Variants in SYNRG observed in about 807,000 individuals in gnomAD.
The protein encoded by SYNRG is AP1 gamma subunit binding protein 1.
A neutral mutation model predicts 130.9 loss-of-function variants in SYNRG; 37 were observed. That is an observed-to-expected ratio of 0.28 (90% CI 0.22 to 0.37). The LOEUF is 0.37. Among genes scored for constraint, SYNRG ranks in the 10% least tolerant of loss-of-function variants. The pLI is 1.00. For synonymous variants in SYNRG, 539 were observed against 568.1 expected (o/e 0.95, Z 0.73); for missense variants, 1,338 against 1,588.9 (o/e 0.84, Z 2.68).
intron 6 of SYNRG, 74 bp from the exon 7 acceptor site, chr17:37,577,687 C>A: frequency 1.7e-6 from 2 of 1,150,466 alleles, no homozygotes; most frequent in South Asian, 1.5e-5. Context: ...CATCTCCACC[C>A]CCATATTCTT....
chr17:37,519,376 C>G (rs1045871320), intron 21 of SYNRG, among the ~76,000 whole-genome samples: 5 of 152,106 alleles, frequency 3.3e-5, no homozygotes, highest in African/African-American at 1.2e-4. Context: ...ACTGAAGTAG[C>G]CAAGGGCTGT....
intron 14 of SYNRG, among the ~76,000 whole-genome samples, chr17:37,544,464 G>A (rs1158351289): frequency 6.6e-6 from 1 of 151,994 alleles, no homozygotes; most frequent in Non-Finnish European, 1.5e-5. Context: ...ACAGGCAGCC[G>A]CCACCACGCC....
chr17:37,565,872 G>A (rs2059921749), intron 11 of SYNRG, among the ~76,000 whole-genome samples: 1 of 151,888 alleles, frequency 6.6e-6, no homozygotes, highest in African/African-American at 2.4e-5. Flanking sequence ...GGGAAGTGAG[G>A]AGCATCTCTG....
intron 8 of SYNRG, among the ~76,000 whole-genome samples, chr17:37,573,546 C>A (rs1480248802): frequency 2.6e-5 from 4 of 152,138 alleles, no homozygotes; most frequent in Non-Finnish European, 4.4e-5. Context: ...ATACCAAGAT[C>A]TAGATTTCAT....
intron 3 of SYNRG, among the ~76,000 whole-genome samples, chr17:37,589,248 A>T (rs2061943157): frequency 6.6e-6 from 1 of 152,220 alleles, no homozygotes. Flanking sequence ...ACCACGAATC[A>T]GCTATAATTC....
At chr17:37,520,295 C>T in intron 20 of SYNRG, 81 bp from the exon 21 acceptor site, 3 of 1,578,044 alleles carry the variant, frequency 1.9e-6, no homozygotes, top group Non-Finnish European at 2.6e-6. Context: ...TACAGGTTCA[C>T]CCTTTTCCCC....
chr17:37,544,729 C>T (rs1272777208), intron 14 of SYNRG, among the ~76,000 whole-genome samples: 2 of 152,058 alleles, frequency 1.3e-5, no homozygotes, highest in Non-Finnish European at 2.9e-5. Flanking sequence ...TTTAAAGGGA[C>T]CAGAAGGTGT....
At chr17:37,533,428 T>C (rs560087650) in intron 19 of SYNRG, among the ~76,000 whole-genome samples, 1 of 150,732 alleles carries the variant, frequency 6.6e-6, no homozygotes, top group African/African-American at 2.4e-5. Flanking sequence ...AACAGTCTGG[T>C]AGAGGTGTGC....
At chr17:37,588,258 CTTT>C (rs35767898) in intron 3 of SYNRG, among the ~76,000 whole-genome samples, 12 of 103,196 alleles carry the variant, frequency 1.2e-4, no homozygotes, top group Non-Finnish European at 1.1e-4. Context: ...ACTTTAAATT[CTTT>C]TTTTTTTTTT....
intron 19 of SYNRG, 113 bp downstream of exon 19, chr17:37,535,866 C>T: frequency 2.1e-6 from 3 of 1,404,480 alleles, no homozygotes; most frequent in Non-Finnish European, 3.0e-6. Context: ...ATATAACATG[C>T]TCCAGTTGGC....
intron 19 of SYNRG, among the ~76,000 whole-genome samples, 195 bp downstream of exon 19, chr17:37,535,784 T>C (rs964717130): frequency 1.3e-5 from 2 of 152,226 alleles, no homozygotes; most frequent in African/African-American, 4.8e-5. Context: ...TTAGGTTCAC[T>C]GGGCCTTAGA....
At chr17:37,561,350 T>G in intron 12 of SYNRG, 93 bp from the exon 13 acceptor site, 2 of 1,446,228 alleles carry the variant, frequency 1.4e-6, no homozygotes, top group South Asian at 2.3e-5. Flanking sequence ...CAAACACTAT[T>G]AACATGTGGT....
chr17:37,588,566 T>G (rs1345750718), intron 3 of SYNRG, among the ~76,000 whole-genome samples: 1 of 152,124 alleles, frequency 6.6e-6, no homozygotes, highest in Admixed American at 6.6e-5. Flanking sequence ...CCCAGCCAGC[T>G]TGGAATGCCT....
chr17:37,520,552 C>T lies in SYNRG; in HGVS notation c.3763G>A (p.Asp1255Asn), dbSNP rs2054878738. 6.2e-7 allele frequency: 1 copy of T among 1,613,910 alleles called. No homozygotes were observed. The change falls in exon 20 of 22, where the codon GAC becomes AAC. Residue 1255 changes from aspartate to asparagine, a missense_variant. By Grantham distance (23) the Asp-to-Asn change is conservative. This residue lies in a region of SYNRG where 1,146 missense variants were observed against 1,342.3 expected (regional missense o/e 0.85). Transcript: ENST00000612223. ...LACGVCLLNV[D>N]SRSRKEEKPA... is the part of the protein sequence containing the mutation. Reference sequence around the variant, plus strand: ...GCGTGACTTACCCGGCTCCTCGAGTCCACATTCAAGAGGCACACTCCACAG... The same window carrying T: ...GCGTGACTTACCCGGCTCCTCGAGTTCACATTCAAGAGGCACACTCCACAG...
intron 1 of SYNRG, among the ~76,000 whole-genome samples, chr17:37,604,550 C>T (rs756096561): frequency 2.0e-5 from 3 of 152,354 alleles, no homozygotes; most frequent in South Asian, 2.1e-4. Context: ...TCTATCCAGA[C>T]CACTCACCCT....
chr17:37,606,204 G>A (rs1160104567), intron 1 of SYNRG, among the ~76,000 whole-genome samples: 2 of 152,134 alleles, frequency 1.3e-5, no homozygotes, highest in South Asian at 2.1e-4. Flanking sequence ...CAGGTACATC[G>A]TTTCCTTAGT....
chr17:37,529,257 C>T (rs936555915), intron 19 of SYNRG, among the ~76,000 whole-genome samples: 1 of 152,032 alleles, frequency 6.6e-6, no homozygotes, highest in South Asian at 2.1e-4. Context: ...TTAGATGGGC[C>T]CCAAACCCAA....
chr17:37,603,968 T>C (rs2063514317), intron 1 of SYNRG, among the ~76,000 whole-genome samples: 1 of 152,130 alleles, frequency 6.6e-6, no homozygotes, highest in Non-Finnish European at 1.5e-5. Context: ...TGGCCAGGTA[T>C]GGTGGCTCAT....
chr17:37,534,578 T>G (rs1433915925), intron 19 of SYNRG, among the ~76,000 whole-genome samples: 1 of 152,142 alleles, frequency 6.6e-6, no homozygotes, highest in Non-Finnish European at 1.5e-5. Context: ...AAACATAATT[T>G]TATCTCTTTT....
Sources: gnomAD v4.1 joint callset for allele counts (sites outside exome capture counted in the v4.1 genomes callset) on GRCh38, gnomAD v4.1.1 for gene constraint, gnomAD v4.1.1 regional missense constraint, MANE v1.5 for transcripts, NCBI Gene and HGNC (gene_info 2026-07-23, HGNC 2026-07-21) for gene names.